The following SCMH1 variants were observed in gnomAD, a reference collection of about 807,000 sequenced individuals.
SCMH1 encodes the protein polycomb protein SCMH1.
In SCMH1, 37 loss-of-function variants were observed where a neutral mutation model predicts 70.8. That is an observed-to-expected ratio of 0.52 (90% CI 0.40 to 0.69). SCMH1 has a LOEUF of 0.69. Ranked by LOEUF, SCMH1 falls within the 30% of genes least tolerant of loss-of-function variation. The pLI, the probability that SCMH1 is intolerant of heterozygous loss-of-function variation, is 0.00. For missense variants in SCMH1, 607 were observed against 827.3 expected (o/e 0.73, Z 3.27); for synonymous variants, 292 against 307.4 (o/e 0.95, Z 0.52).
chr1:41,067,499 A>G (rs977004435), intron 10 of SCMH1, among the ~76,000 whole-genome samples: 1 of 151,936 alleles, frequency 6.6e-6, no homozygotes, highest in African/African-American at 2.4e-5. Context: ...CAAGACATGA[A>G]AATACATGGA....
chr1:41,062,176 T>G lies in SCMH1; in HGVS notation c.1105+8419A>C, dbSNP rs933897041. 2.0e-5 allele frequency among the ~76,000 whole-genome samples: 3 copies of G among 151,878 alleles called. No individual in the cohort carries two copies. In the South Asian group the frequency reaches 6.3e-4, roughly 32 times the overall value. ...CCACCGCACCCAGCCTGAACAAATT[T>G]TAAAAGAATAATCACACAATGTCTT... On this transcript the variant is annotated intron_variant, in intron 10 of 14. Transcript: ENST00000337495.
At chr1:41,126,592 T>C (rs539514139) in intron 6 of SCMH1, among the ~76,000 whole-genome samples, 5 of 152,324 alleles carry the variant, frequency 3.3e-5, no homozygotes, top group African/African-American at 1.2e-4. Flanking sequence ...TCATATGTTA[T>C]ATATGTGTGC....
chr1:41,028,156 C>G (rs752699866), exon 15 of SCMH1: 1 of 1,612,854 alleles, frequency 6.2e-7, no homozygotes, highest in African/African-American at 1.3e-5. Flanking sequence ...AATGCCCCCA[C>G]CTGCTGCCAC....
At chr1:41,167,020 CA>C in intron 2 of SCMH1, among the ~76,000 whole-genome samples, 1 of 151,998 alleles carries the variant, frequency 6.6e-6, no homozygotes, top group Non-Finnish European at 1.5e-5. Context: ...ACATTCCTTC[CA>C]TATCTAATAT....
chr1:41,126,445 T>C (rs190780849), intron 6 of SCMH1, among the ~76,000 whole-genome samples: 2 of 152,272 alleles, frequency 1.3e-5, no homozygotes, highest in African/African-American at 4.8e-5. Context: ...TATTAAAAGG[T>C]ATTTTCAAAA....
chr1:41,172,080 T>C (rs1404011227), intron 2 of SCMH1, among the ~76,000 whole-genome samples: 1 of 151,262 alleles, frequency 6.6e-6, no homozygotes, highest in African/African-American at 2.4e-5. Flanking sequence ...TGGTCCCAAC[T>C]ACTTGGAGGC....
chr1:41,185,999 A>C, intron 2 of SCMH1, 122 bp downstream of exon 2: 1 of 1,043,240 alleles, frequency 9.6e-7, no homozygotes, highest in South Asian at 2.1e-5. Flanking sequence ...CAAAAATGAC[A>C]TCATGGCTAT....
At chr1:41,120,688 G>A (rs569008363) in intron 6 of SCMH1, among the ~76,000 whole-genome samples, 2 of 152,278 alleles carry the variant, frequency 1.3e-5, no homozygotes, top group East Asian at 3.9e-4. Flanking sequence ...ATCATAGATA[G>A]TAGATAATTT....
At chr1:41,152,294 G>A (rs1194105728) in intron 4 of SCMH1, among the ~76,000 whole-genome samples, 2 of 152,186 alleles carry the variant, frequency 1.3e-5, no homozygotes, top group African/African-American at 4.8e-5. Flanking sequence ...TTGCTCTGGG[G>A]TGCAAAGTGA....
chr1:41,180,058 A>C (rs1188626819), intron 2 of SCMH1, among the ~76,000 whole-genome samples: 1 of 152,246 alleles, frequency 6.6e-6, no homozygotes, highest in Non-Finnish European at 1.5e-5. Context: ...GGCTGGTTCA[A>C]CATATGCAAA....
intron 1 of SCMH1, among the ~76,000 whole-genome samples, chr1:41,199,532 A>AT (rs1235787508): frequency 3.3e-5 from 5 of 151,958 alleles, no homozygotes; most frequent in East Asian, 3.9e-4. Flanking sequence ...TCCCATTTAG[A>AT]TTTTTTTTAA....
At chr1:41,207,985 A>T (rs1221143785) in intron 1 of SCMH1, among the ~76,000 whole-genome samples, 1 of 130,592 alleles carries the variant, frequency 7.7e-6, no homozygotes, top group African/African-American at 3.0e-5. Context: ...ACGTATGTTT[A>T]TTGCGGCACT....
At chr1:41,172,361 C>CAAATAAAT (rs1646845351) in intron 2 of SCMH1, among the ~76,000 whole-genome samples, 1 of 151,266 alleles carries the variant, frequency 6.6e-6, no homozygotes, top group South Asian at 2.1e-4. Context: ...AAAAAACCTA[C>CAAATAAAT]AAATAAATTT....
At chr1:41,117,361 C>G (rs1670736365) in intron 6 of SCMH1, among the ~76,000 whole-genome samples, 1 of 151,468 alleles carries the variant, frequency 6.6e-6, no homozygotes, top group African/African-American at 2.4e-5. Context: ...TATGCCCGGA[C>G]AGGGCCACCA....
At chr1:41,219,801 G>A (rs113866111) in intron 1 of SCMH1, among the ~76,000 whole-genome samples, 3,292 of 152,116 alleles carry the variant, frequency 0.022, 67 homozygotes, top group South Asian at 0.042. Flanking sequence ...TATGGTGGCA[G>A]GTGCCTGTAA....
chr1:41,032,228 TA>T (rs1276265545), intron 13 of SCMH1, among the ~76,000 whole-genome samples: 1 of 152,210 alleles, frequency 6.6e-6, no homozygotes, highest in Non-Finnish European at 1.5e-5. Flanking sequence ...ACGACCCACA[TA>T]TTTAATACTA....
At chr1:41,114,651 A>G (rs1488547493) in intron 7 of SCMH1, among the ~76,000 whole-genome samples, 2 of 128,616 alleles carry the variant, frequency 1.6e-5, no homozygotes, top group African/African-American at 6.4e-5. Flanking sequence ...TCCACTTGTT[A>G]AGATTTCCTT....
intron 1 of SCMH1, among the ~76,000 whole-genome samples, chr1:41,201,203 A>C (rs1259760885): frequency 6.6e-6 from 1 of 152,226 alleles, no homozygotes; most frequent in African/African-American, 2.4e-5. Context: ...TCAGATTCTT[A>C]TCTTTTAAAA....
chr1:41,232,005 C>T (rs1179244823), intron 1 of SCMH1, among the ~76,000 whole-genome samples: 1 of 139,534 alleles, frequency 7.2e-6, no homozygotes, highest in South Asian at 2.3e-4. Flanking sequence ...GCCAGGGTGA[C>T]AGTGCAAGAC....
Sources: allele counts gnomAD v4.1 joint callset (sites outside exome capture counted in the v4.1 genomes callset), GRCh38; gene constraint gnomAD v4.1.1; transcripts MANE v1.5; gene names NCBI Gene and HGNC (gene_info 2026-07-23, HGNC 2026-07-21).